The following SYNE2 variants were observed in gnomAD, a reference collection of about 807,000 sequenced individuals.
SYNE2 encodes the protein spectrin repeat containing nuclear envelope protein 2.
In SYNE2, 431 loss-of-function variants were observed where a neutral mutation model predicts 856.3. The observed-to-expected ratio is 0.50, with a 90% CI of 0.47 to 0.55. The LOEUF (loss-of-function observed/expected upper bound fraction) is 0.55, where lower values mean the gene tolerates loss of function less well. SYNE2 is among the 20% of genes least tolerant of loss of function. SYNE2 has a pLI of 0.00. For missense variants in SYNE2, 8,129 were observed against 8,023.2 expected, an observed-to-expected ratio of 1.01 and a Z score of -0.50; for synonymous variants, 2,923 against 2,872.3, an observed-to-expected ratio of 1.02 and a Z score of -0.56.
chr14:63,978,123 T>C (rs2096558592), intron 13 of SYNE2, 106 bp downstream of exon 13: 2 of 782,774 alleles, frequency 2.6e-6, no homozygotes, highest in Admixed American at 4.0e-5. Flanking sequence ...TTTTACCAAG[T>C]ATTCTCCTTT....
chr14:63,811,163 A>G (rs1278922335), intron 1 of SYNE2, among the ~76,000 whole-genome samples: 1 of 152,128 alleles, frequency 6.6e-6, no homozygotes, highest in African/African-American at 2.4e-5. Context: ...TTTCATGGCA[A>G]TATACTTATT....
intron 1 of SYNE2, among the ~76,000 whole-genome samples, chr14:63,778,925 AAGTAGCTCATGG>A (rs746352488): frequency 0.34 from 19,646 of 58,246 alleles, 1,626 homozygotes; most frequent in South Asian, 0.41. Context: ...GAGTCTCCCA[AAGTAGCTCATGG>A]CTATGAGCCA....
chr14:64,148,972 T>TTC (rs937231022), intron 84 of SYNE2, among the ~76,000 whole-genome samples: 4 of 149,064 alleles, frequency 2.7e-5, no homozygotes, highest in African/African-American at 7.7e-5. Context: ...AAATGTTAAT[T>TTC]TCTCTTTTTT....
upstream of SYNE2, among the ~76,000 whole-genome samples, chr14:63,852,594 G>A (rs919530092): frequency 6.6e-6 from 1 of 152,166 alleles, no homozygotes; most frequent in African/African-American, 2.4e-5. Context: ...AGCCCGCGGG[G>A]TGAAATGACT....
intron 78 of SYNE2, among the ~76,000 whole-genome samples, chr14:64,134,495 C>T (rs900970189): frequency 6.6e-6 from 1 of 152,140 alleles, no homozygotes; most frequent in Non-Finnish European, 1.5e-5. Flanking sequence ...TGCAGATAAT[C>T]GAGCCAATTC....
chr14:63,855,395 C>T (rs1224492645), intron 1 of SYNE2, among the ~76,000 whole-genome samples: 2 of 152,164 alleles, frequency 1.3e-5, no homozygotes, highest in Admixed American at 6.5e-5. Context: ...CCCAGAACAA[C>T]CTCTTTTGGC....
intron 6 of SYNE2, among the ~76,000 whole-genome samples, chr14:63,948,115 G>C (rs899179850): frequency 2.0e-5 from 3 of 151,392 alleles, no homozygotes; most frequent in Non-Finnish European, 4.4e-5. Flanking sequence ...TGAATAACTT[G>C]TCAGTTTTCA....
At chr14:63,800,985 A>G (rs565550033) in intron 1 of SYNE2, among the ~76,000 whole-genome samples, 16 of 152,338 alleles carry the variant, frequency 1.1e-4, no homozygotes, top group Admixed American at 1.3e-4. Flanking sequence ...ATAAATGATA[A>G]TGTTAAACAT....
At position 64,056,182 on chromosome 14, in the gene SYNE2, A is replaced by C. The variant is rs769755302; in HGVS notation, c.9983A>C (p.Gln3328Pro). 2.5e-6 allele frequency: 4 copies of C among 1,614,158 alleles called. No individual in the cohort carries two copies. The highest frequency in any genetic ancestry group is 2.5e-6 in the Non-Finnish European group (3 of 1,180,016). The change falls in exon 49 of 116, where the codon CAA (glutamine) becomes CCA (proline). Residue 3328 changes from glutamine (Q) to proline (P), a missense_variant. Around this residue, in one of 3 missense-constraint regions of SYNE2, gnomAD observed 5,410 missense variants for 5,284.8 expected, o/e 1.02. Coordinates refer to ENST00000555002, the MANE Select transcript of SYNE2 (RefSeq NM_182914.3). ...ATATCCAGCCCCGAAGCCAAACTAC[A>C]ACTTCAGTATACTTTACAGGAACTA... ...GMISSPEAKL[Q>P]LQYTLQELVS...
chr14:64,183,104 TCCTCACTTCTCGGACGGGGCGGCTGCC>T (rs2098468413), intron 96 of SYNE2, among the ~76,000 whole-genome samples: 1 of 144,228 alleles, frequency 6.9e-6, no homozygotes, highest in African/African-American at 2.7e-5. Flanking sequence ...GCGGAGGGGC[TCCTCACTTCTCGGACGGGGCGGCTGCC>T]GGGCGGAGGG....
chr14:63,952,334 C>T lies in SYNE2; in HGVS notation c.590+2328C>T, dbSNP rs117372617. On this transcript the variant is annotated intron_variant, in intron 7 of 115. Coordinates refer to ENST00000555002, the MANE Select transcript of SYNE2 (RefSeq NM_182914.3). ...GTCTGGCCCTGCCCTCAGCTGCAGCCGCCATCCTTTAGTTATTATTAGGTT... is the reference window on the plus strand; with the variant it reads ...GTCTGGCCCTGCCCTCAGCTGCAGCTGCCATCCTTTAGTTATTATTAGGTT... Among the ~76,000 whole-genome samples the T allele has an allele frequency of 1.0e-3, 158 of 152,280 alleles. 2 individuals are homozygous for T. The East Asian group carries it at 0.028, about 27-fold the overall frequency.
chr14:64,024,454 A>T lies in SYNE2; in HGVS notation c.5835A>T (p.Leu1945=). Reference sequence around the variant, plus strand: ...AGCTTGAAGACTCCTTGCAGCAGCTACTGAGGTAGGAAATAAAGATGATAT... The same window carrying T: ...AGCTTGAAGACTCCTTGCAGCAGCTTCTGAGGTAGGAAATAAAGATGATAT... ...AKELEDSLQQ[L]LRLQDDHRNL... is the part of the protein sequence containing the mutation. The change falls in exon 39 of 116, where the codon CTA becomes CTT. Residue 1945 remains leucine (L), a synonymous_variant. Coordinates refer to ENST00000555002, the MANE Select transcript of SYNE2 (RefSeq NM_182914.3). 1 of 1,613,800 alleles carries T rather than the reference A, an allele frequency of 6.2e-7. No homozygotes were observed. The highest frequency in any genetic ancestry group is 2.2e-5 in the East Asian group (1 of 44,888).
In SYNE2 at chr14:63,995,061, GTCTT is replaced by G; in HGVS notation, c.2801_2804del (p.Ser934TyrfsTer6). The stretch of plus-strand genomic sequence containing the variant: ...TTTTGTAGTCTCTTCATCATGAACT[GTCTT>G]TATATGTTCAACAACTAAAAATAGA... On this transcript the variant is annotated frameshift_variant, in exon 23 of 116. Coordinates refer to ENST00000555002, the MANE Select transcript of SYNE2 (RefSeq NM_182914.3). LOFTEE classifies it high-confidence loss of function. The G allele has an allele frequency of 6.4e-7, 1 of 1,553,410 alleles. No individual in the cohort carries two copies. Among genetic ancestry groups the G allele is most frequent in the Non-Finnish European group, 8.8e-7 (1 of 1,134,146 alleles).
At chr14:64,065,398 T>C (rs1290144450) in intron 50 of SYNE2, 34 bp from the exon 51 acceptor site, 1 of 1,579,178 alleles carries the variant, frequency 6.3e-7, no homozygotes, top group East Asian at 2.2e-5. Context: ...CATAATAGTA[T>C]GTCCCTCTTA....
At chr14:63,952,232 G>A (rs1037959256) in intron 7 of SYNE2, among the ~76,000 whole-genome samples, 2 of 152,052 alleles carry the variant, frequency 1.3e-5, no homozygotes, top group African/African-American at 4.8e-5. Flanking sequence ...GCTCATCAGT[G>A]CAGAGCTGAC....
intron 107 of SYNE2, 164 bp from the exon 108 acceptor site, chr14:64,216,084 A>G (rs1229180439): frequency 1.3e-6 from 2 of 1,518,550 alleles, no homozygotes; most frequent in Middle Eastern, 2.3e-4. Context: ...GCTGAGTTGC[A>G]TGACTCATCT....
At position 64,220,616 on chromosome 14, in the gene SYNE2, A is replaced by C; in HGVS notation, c.20040A>C (p.Arg6680=). 1 of 1,614,000 alleles carries C rather than the reference A, an allele frequency of 6.2e-7. No homozygotes were observed. The highest frequency in any genetic ancestry group is 8.5e-7 in the Non-Finnish European group (1 of 1,180,020). The change falls in exon 111 of 116, where the codon CGA becomes CGC. Residue 6680 remains arginine, a synonymous_variant. Coordinates refer to ENST00000555002, the MANE Select transcript of SYNE2 (RefSeq NM_182914.3). ...TGGACAGCTGGAGAGGGGGCTTACG[A>C]CAGTCGCTCATGCAGTGCCAGGTAC... ...GAVDSWRGGL[R]QSLMQCQDFH...
intron 6 of SYNE2, among the ~76,000 whole-genome samples, chr14:63,948,779 TG>T (rs1388713547): frequency 1.2e-5 from 1 of 82,028 alleles, no homozygotes; most frequent in Non-Finnish European, 2.4e-5. Context: ...TGTATGTGTG[TG>T]TGTATATATA....
At chr14:64,191,949 A>C (rs2098520605) in intron 99 of SYNE2, among the ~76,000 whole-genome samples, 2 of 152,236 alleles carry the variant, frequency 1.3e-5, no homozygotes, top group Non-Finnish European at 2.9e-5. Context: ...GGCTTACATC[A>C]GAGGCCGCTG....
Sources: allele counts gnomAD v4.1 joint callset (sites outside exome capture counted in the v4.1 genomes callset), GRCh38; gene constraint gnomAD v4.1.1; regional missense constraint gnomAD v4.1.1; transcripts MANE v1.5; gene names NCBI Gene and HGNC (gene_info 2026-07-23, HGNC 2026-07-21).